The following ERCC3 variants were observed in gnomAD, a reference collection of about 807,000 sequenced individuals.
ERCC3 encodes the protein general transcription and DNA repair factor IIH helicase/translocase subunit XPB.
A neutral mutation model predicts 94.2 loss-of-function variants in ERCC3; 66 were observed. That is an observed-to-expected ratio of 0.70 (90% CI 0.57 to 0.86). The LOEUF (loss-of-function observed/expected upper bound fraction) is 0.86, where lower values mean the gene tolerates loss of function less well. ERCC3 is among the 40% of genes least tolerant of loss of function. The pLI is 0.00. For synonymous variants in ERCC3, 349 were observed against 369.1 expected (o/e 0.95, Z 0.63); for missense variants, 829 against 987.1 (o/e 0.84, Z 2.15).
chr2:127,261,645 A>G, intron 12 of ERCC3: 1 of 393,068 alleles, frequency 2.5e-6, no homozygotes. Flanking sequence ...AGACAAATTA[A>G]TTATAAATGA....
chr2:127,268,861 C>T (rs952971601), intron 12 of ERCC3, among the ~76,000 whole-genome samples: 6 of 152,180 alleles, frequency 3.9e-5, no homozygotes, highest in East Asian at 1.9e-4. Flanking sequence ...TTTAAGAAAG[C>T]ACTTTACAGC....
chr2:127,271,170 G>T lies in ERCC3; in HGVS notation c.1945+166C>A, dbSNP rs1286826197. ...CTGCATATTCACCCCCAAGGTATGA[G>T]AAATAATGATGGGCCATAAGGATCT... is the stretch of plus-strand genomic sequence containing the variant. On this transcript the variant is annotated intron_variant, in intron 12 of 14. Transcript: ENST00000285398. This position sits in a 1 kb window ranked among gnomAD's most constrained non-coding sequence, Gnocchi z 5.0. 1.3e-5 allele frequency among the ~76,000 whole-genome samples: 2 copies of T among 152,206 alleles called. No homozygotes were observed. Among genetic ancestry groups the T allele is most frequent in the Non-Finnish European group, 2.9e-5 (2 of 68,048 alleles).
intron 12 of ERCC3, among the ~76,000 whole-genome samples, chr2:127,270,333 A>G (rs1684509592): frequency 1.3e-5 from 2 of 152,172 alleles, no homozygotes; most frequent in African/African-American, 4.8e-5. Flanking sequence ...CCAGCCGACT[A>G]CATTTTATGA....
chr2:127,286,945 G>A lies in ERCC3; in HGVS notation c.1100C>T (p.Ser367Leu). ...TTTCCACTGCTCCACAGAAACAGCT[G>A]AGTTGCCCAGCACCAGACAGCGTTT... ...VRKRCLVLGN[S>L]AVSVEQWKAQ... Residue 367 changes from serine (S) to leucine (L), a missense_variant, in exon 8 of 15, where the codon TCA becomes TTA. Ser to Leu is a moderately radical substitution (Grantham distance 145). Coordinates refer to ENST00000285398, the MANE Select transcript of ERCC3 (RefSeq NM_000122.2). 1 of 1,614,144 alleles carries A rather than the reference G, an allele frequency of 6.2e-7. No homozygotes were observed. The highest frequency in any genetic ancestry group is 8.5e-7 in the Non-Finnish European group (1 of 1,180,026).
chr2:127,292,191 C>A, intron 3 of ERCC3: 1 of 325,400 alleles, frequency 3.1e-6, no homozygotes, highest in Non-Finnish European at 6.1e-6. Context: ...TTTCTTACTC[C>A]AAATACATTA....
chr2:127,286,618 T>C (rs1685075623), intron 8 of ERCC3, 85 bp downstream of exon 8: 1 of 1,297,934 alleles, frequency 7.7e-7, no homozygotes, highest in South Asian at 1.2e-5. Context: ...TTGGGTGGGC[T>C]ACACAGCAGT....
chr2:127,284,575 T>C lies in ERCC3; in HGVS notation c.1342+2128A>G, dbSNP rs1685008681. Reference sequence around the variant, plus strand: ...GCTCTCATGCACAGAAAGAACCAGATGCTGGGGCCATTTTGACATTTTGAA... The same window carrying C: ...GCTCTCATGCACAGAAAGAACCAGACGCTGGGGCCATTTTGACATTTTGAA... On this transcript the variant is annotated intron_variant, in intron 8 of 14. Transcript: ENST00000285398. The surrounding 1 kb of genome is among the most constrained non-coding windows in gnomAD (Gnocchi z 4.1). Among the ~76,000 whole-genome samples, 1 of 152,360 alleles carries C rather than the reference T, an allele frequency of 6.6e-6. No individual in the cohort carries two copies. Among genetic ancestry groups the C allele is most frequent in the South Asian group, 2.1e-4 (1 of 4,830 alleles).
Position 127,257,499 on chromosome 2 carries a change from G to T in ERCC3, c.*97C>A. The T allele has an allele frequency of 6.6e-7, 1 of 1,511,472 alleles. No individual in the cohort carries two copies. Among genetic ancestry groups the T allele is most frequent in the Non-Finnish European group, 9.2e-7 (1 of 1,088,962 alleles). 93.6% of individuals were successfully genotyped at this position (1,511,472 alleles called of 1,614,324 possible). Reference sequence around the variant, plus strand: ...CAGCACAATTTGGCCAACGCTGGAGGGAAGGTCAAAGAGGTGGAAGGAAAA... The same window carrying T: ...CAGCACAATTTGGCCAACGCTGGAGTGAAGGTCAAAGAGGTGGAAGGAAAA... On this transcript the variant is annotated 3_prime_UTR_variant, in exon 15 of 15. Transcript: ENST00000285398. This position sits in a 1 kb window ranked among gnomAD's most constrained non-coding sequence, Gnocchi z 5.4.
intron 10 of ERCC3, among the ~76,000 whole-genome samples, chr2:127,276,782 A>G (rs937145772): frequency 6.6e-6 from 1 of 152,166 alleles, no homozygotes; most frequent in East Asian, 1.9e-4. Context: ...AAAAACATTA[A>G]GAATATCACT....
chr2:127,290,150 C>T (rs1360023082), intron 4 of ERCC3, 74 bp downstream of exon 4: 1 of 1,174,712 alleles, frequency 8.5e-7, no homozygotes, highest in Non-Finnish European at 1.3e-6. Flanking sequence ...CAGGTCCTTC[C>T]CATATCCCTT....
At chr2:127,281,686 G>A (rs1684917641) in intron 8 of ERCC3, among the ~76,000 whole-genome samples, 1 of 151,974 alleles carries the variant, frequency 6.6e-6, no homozygotes, top group South Asian at 2.1e-4. Context: ...AAATAACATA[G>A]GGTTGCCTAA....
intron 12 of ERCC3, among the ~76,000 whole-genome samples, chr2:127,268,629 T>C (rs1320021220): frequency 6.6e-6 from 1 of 152,180 alleles, no homozygotes; most frequent in East Asian, 1.9e-4. Flanking sequence ...CTTGTAAAGT[T>C]TCTGCTGAGA....
At chr2:127,289,244 T>A (rs1434377479) in intron 6 of ERCC3, 93 bp downstream of exon 6, 1 of 1,169,372 alleles carries the variant, frequency 8.6e-7, no homozygotes. Flanking sequence ...ACTCCTTCCT[T>A]TCACACAGAC....
chr2:127,288,932 G>A, intron 6 of ERCC3, 68 bp from the exon 7 acceptor site: 3 of 1,232,910 alleles, frequency 2.4e-6, no homozygotes, highest in African/African-American at 1.5e-5. Flanking sequence ...CATCTTCTAA[G>A]AGGTCCAATG....
At position 127,279,047 on chromosome 2, in the gene ERCC3, A is replaced by G; in HGVS notation, c.1730+126T>C. The G allele has an allele frequency of 2.8e-6, 2 of 720,760 alleles. No individual in the cohort carries two copies. The highest frequency in any genetic ancestry group is 3.0e-5 in the South Asian group (2 of 66,060). 44.6% of individuals were successfully genotyped at this position (720,760 alleles called of 1,614,324 possible). A position where few individuals can be genotyped will look rare whatever the true frequency, so the allele number is the denominator to read the frequency against. ...TGGTTTCTGAGACCAGGGCCACAGAACAAGATCTTTGGAGCCCAAGAAGTT... is the reference window on the plus strand; with the variant it reads ...TGGTTTCTGAGACCAGGGCCACAGAGCAAGATCTTTGGAGCCCAAGAAGTT... On this transcript the variant is annotated intron_variant, in intron 10 of 14. Transcript: ENST00000285398. The surrounding 1 kb of genome is among the most constrained non-coding windows in gnomAD (Gnocchi z 4.7).
rs374498934 is a variant in ERCC3 at position 127,277,098 on chromosome 2, G to A, written c.1730+2075C>T. On this transcript the variant is annotated intron_variant, in intron 10 of 14. Transcript: ENST00000285398. The surrounding 1 kb of genome is among the most constrained non-coding windows in gnomAD (Gnocchi z 5.1). ...CAAGAGGGTGGAGATTTCAGGGTGG[G>A]AAACACAACAAAGAGGCCCAGGGAA... is the stretch of plus-strand genomic sequence containing the variant. Among the ~76,000 whole-genome samples the A allele has an allele frequency of 6.6e-6, 1 of 152,152 alleles. No homozygotes were observed. The highest frequency in any genetic ancestry group is 2.4e-5 in the African/African-American group (1 of 41,434).
At chr2:127,285,457 G>A (rs1685034639) in intron 8 of ERCC3, among the ~76,000 whole-genome samples, 3 of 152,260 alleles carry the variant, frequency 2.0e-5, no homozygotes, top group Middle Eastern at 6.8e-3. Context: ...GGGTGAGGCT[G>A]AGGTGGGCGG....
At chr2:127,287,395 G>A (rs1338936787) in intron 7 of ERCC3, among the ~76,000 whole-genome samples, 1 of 152,114 alleles carries the variant, frequency 6.6e-6, no homozygotes, top group Non-Finnish European at 1.5e-5. Flanking sequence ...CACTTTGGGA[G>A]GCCGAGGTGG....
chr2:127,272,730 T>G (rs1684598775), intron 11 of ERCC3, 135 bp downstream of exon 11: 2 of 691,282 alleles, frequency 2.9e-6, no homozygotes, highest in African/African-American at 3.5e-5. Flanking sequence ...CCCCTATCCC[T>G]GGACATGTCG....
Sources: allele counts gnomAD v4.1 joint callset (sites outside exome capture counted in the v4.1 genomes callset), GRCh38; gene constraint gnomAD v4.1.1; non-coding constraint Gnocchi (gnomAD v3.1); transcripts MANE v1.5; gene names NCBI Gene and HGNC (gene_info 2026-07-23, HGNC 2026-07-21).